The following LINGO2 variants were observed in gnomAD, a reference collection of about 807,000 sequenced individuals.
LINGO2 encodes the protein leucine rich repeat and Ig domain containing 2.
A neutral mutation model predicts 30.6 loss-of-function variants in LINGO2; 14 were observed. That is an observed-to-expected ratio of 0.46 (90% CI 0.30 to 0.72). The LOEUF (loss-of-function observed/expected upper bound fraction) is 0.72. LINGO2 is among the 30% of genes least tolerant of loss of function. The pLI, the probability that LINGO2 is intolerant of heterozygous loss-of-function variation, is 0.07. For synonymous variants in LINGO2, 317 were observed against 288.5 expected, an observed-to-expected ratio of 1.10 and a Z score of -1.00; for missense variants, 729 against 751.7, an observed-to-expected ratio of 0.97 and a Z score of 0.35.
chr9:29,061,080 C>T, the LINGO2 span, among the ~76,000 whole-genome samples: 1 of 151,860 alleles, frequency 6.6e-6, no homozygotes, highest in Non-Finnish European at 1.5e-5. Flanking sequence ...ATAGACACAT[C>T]ATAATCAAGC....
At chr9:28,270,702 T>G (rs1822909301) in intron 4 of LINGO2, among the ~76,000 whole-genome samples, 1 of 152,152 alleles carries the variant, frequency 6.6e-6, no homozygotes, top group African/African-American at 2.4e-5. Flanking sequence ...CTGAATCGAA[T>G]TTGTGCTTGT....
the LINGO2 span, among the ~76,000 whole-genome samples, chr9:28,787,215 T>A: frequency 6.1e-3 from 927 of 152,242 alleles, 12 homozygotes; most frequent in African/African-American, 0.021. Flanking sequence ...TACTATTTGT[T>A]TTCAGAAAAT....
chr9:28,783,141 T>C, the LINGO2 span, among the ~76,000 whole-genome samples: 1 of 152,216 alleles, frequency 6.6e-6, no homozygotes, highest in Non-Finnish European at 1.5e-5. Context: ...ATTCAACTTC[T>C]GGTGCTCAAC....
intron 5 of LINGO2, among the ~76,000 whole-genome samples, chr9:27,979,869 C>T (rs562601428): frequency 1.3e-5 from 2 of 152,076 alleles, no homozygotes; most frequent in South Asian, 4.1e-4. Context: ...GCAAACTAAA[C>T]CCTTAATGTA....
chr9:27,990,609 A>G (rs1821352281), intron 5 of LINGO2, among the ~76,000 whole-genome samples: 1 of 152,000 alleles, frequency 6.6e-6, no homozygotes, highest in Non-Finnish European at 1.5e-5. Context: ...TATCAAAATG[A>G]GTCTTTTTAA....
chr9:28,196,621 T>C (rs1301372317), intron 4 of LINGO2, among the ~76,000 whole-genome samples: 1 of 151,992 alleles, frequency 6.6e-6, no homozygotes, highest in Non-Finnish European at 1.5e-5. Context: ...TGCAAAATTG[T>C]GCCATTTTTT....
chr9:28,034,567 T>TA (rs1401885384), intron 4 of LINGO2, among the ~76,000 whole-genome samples: 1 of 152,140 alleles, frequency 6.6e-6, no homozygotes, highest in African/African-American at 2.4e-5. Flanking sequence ...GGATAGGGCT[T>TA]TGCAAGTCAG....
chr9:29,064,836 T>A, the LINGO2 span, among the ~76,000 whole-genome samples: 1 of 152,082 alleles, frequency 6.6e-6, no homozygotes. Context: ...TCCTAGTCTT[T>A]TTTTCACTGT....
chr9:29,057,814 GAT>G, the LINGO2 span, among the ~76,000 whole-genome samples: 2 of 152,064 alleles, frequency 1.3e-5, no homozygotes, highest in African/African-American at 4.8e-5. Flanking sequence ...AGGGTTGGGA[GAT>G]ATTAGAGTTC....
At chr9:28,019,081 AC>A (rs1409512998) in intron 4 of LINGO2, among the ~76,000 whole-genome samples, 1 of 152,120 alleles carries the variant, frequency 6.6e-6, no homozygotes, top group Non-Finnish European at 1.5e-5. Flanking sequence ...CATTGAGTAC[AC>A]ATGGGCACTA....
At chr9:28,039,858 T>TC (rs1013630598) in intron 4 of LINGO2, among the ~76,000 whole-genome samples, 9 of 152,182 alleles carry the variant, frequency 5.9e-5, no homozygotes, top group Non-Finnish European at 1.3e-4. Context: ...CTGTTGTCTT[T>TC]CCTCTTTGGA....
At chr9:28,149,299 C>T (rs1827914107) in intron 4 of LINGO2, 4 of 583,054 alleles carry the variant, frequency 6.9e-6, no homozygotes, top group Admixed American at 6.0e-5. Context: ...ACCTGAGGAG[C>T]ATCTCTGCCT....
At chr9:27,990,889 C>A (rs554766375) in intron 5 of LINGO2, among the ~76,000 whole-genome samples, 4 of 152,130 alleles carry the variant, frequency 2.6e-5, no homozygotes, top group African/African-American at 9.6e-5. Context: ...TCCATTTTCT[C>A]CAGCGTGCCT....
chr9:28,054,700 T>C (rs376021726), intron 4 of LINGO2, among the ~76,000 whole-genome samples: 198 of 152,264 alleles, frequency 1.3e-3, no homozygotes, highest in African/African-American at 4.4e-3. Context: ...CAAAAAATTA[T>C]AGTAAATAAG....
At chr9:28,558,067 A>C (rs1207371472) in intron 1 of LINGO2, among the ~76,000 whole-genome samples, 1 of 150,904 alleles carries the variant, frequency 6.6e-6, no homozygotes, top group Non-Finnish European at 1.5e-5. Context: ...TAGTGGGTGC[A>C]GCACACCAGC....
At chr9:29,209,081 T>C in the LINGO2 span, among the ~76,000 whole-genome samples, 2 of 152,286 alleles carry the variant, frequency 1.3e-5, no homozygotes, top group Middle Eastern at 3.4e-3. Flanking sequence ...GTCACTCTAC[T>C]ACTTGCTGAA....
the LINGO2 span, among the ~76,000 whole-genome samples, chr9:28,769,821 T>A: frequency 2.0e-5 from 3 of 151,760 alleles, no homozygotes; most frequent in Non-Finnish European, 2.9e-5. Flanking sequence ...CCTAAAAGGA[T>A]GTTATTCTTA....
chr9:29,167,246 T>C, the LINGO2 span, among the ~76,000 whole-genome samples: 2 of 152,240 alleles, frequency 1.3e-5, no homozygotes, highest in South Asian at 4.1e-4. Flanking sequence ...TAAAATCAAA[T>C]AACTTTAACA....
chr9:28,336,697 C>T (rs1825601344), intron 3 of LINGO2, among the ~76,000 whole-genome samples: 1 of 151,966 alleles, frequency 6.6e-6, no homozygotes, highest in Non-Finnish European at 1.5e-5. Flanking sequence ...TGCACCTTTG[C>T]AGAAAAATCA....
Sources: gnomAD v4.1 joint callset for allele counts (sites outside exome capture counted in the v4.1 genomes callset) on GRCh38, gnomAD v4.1.1 for gene constraint, MANE v1.5 for transcripts, NCBI Gene and HGNC (gene_info 2026-07-23, HGNC 2026-07-21) for gene names.